Variants in LARGE1 observed in about 807,000 individuals in gnomAD.
The protein encoded by LARGE1 is LARGE xylosyl- and glucuronyltransferase 1.
Under a neutral mutation model 87.6 loss-of-function variants are expected in LARGE1, and 43 were observed. The observed-to-expected ratio is 0.49, with a 90% CI of 0.38 to 0.63. LARGE1 has a LOEUF of 0.63. LARGE1 is among the 30% of genes least tolerant of loss of function. LARGE1 has a pLI of 0.00. For missense variants in LARGE1, 802 were observed against 1,000.2 expected (o/e 0.80, Z 2.67); for synonymous variants, 434 against 394.6 (o/e 1.10, Z -1.18).
intron 11 of LARGE1, among the ~76,000 whole-genome samples, chr22:33,242,884 G>T (rs1437271198): frequency 2.6e-5 from 4 of 152,118 alleles, no homozygotes; most frequent in African/African-American, 9.7e-5. Context: ...TGGTTTGCTG[G>T]CAATCTTTGA....
At chr22:33,283,151 A>G (rs1298005720) in intron 13 of LARGE1, 51 bp downstream of exon 13, 2 of 1,611,346 alleles carry the variant, frequency 1.2e-6, no homozygotes, top group Non-Finnish European at 1.7e-6. Flanking sequence ...GTTTCCCAGG[A>G]GAAAGAAGGC....
rs111575613 is a variant in LARGE1 at position 33,664,070 on chromosome 22, A to G, written c.107-13402T>C. 3.2e-3 allele frequency among the ~76,000 whole-genome samples: 489 copies of G among 152,190 alleles called. 2 individuals are homozygous for G. The highest frequency in any genetic ancestry group is 0.011 in the African/African-American group (469 of 41,512). ...CTCACCCCATGTGTAACAGCTCTTT[A>G]TGCCACCTCCATTGTCTCAACACGT... On this transcript the variant is annotated intron_variant, in intron 2 of 14. Coordinates refer to ENST00000397394, the MANE Select transcript of LARGE1 (RefSeq NM_133642.5).
chr22:33,261,610 G>GAA (rs537597848), intron 11 of LARGE1, among the ~76,000 whole-genome samples: 32 of 145,006 alleles, frequency 2.2e-4, no homozygotes, highest in African/African-American at 5.2e-4. Flanking sequence ...AATCAAAAAA[G>GAA]AAAAAAAAAA....
chr22:33,473,589 G>A (rs550346599), intron 6 of LARGE1, among the ~76,000 whole-genome samples: 47 of 152,116 alleles, frequency 3.1e-4, no homozygotes, highest in Non-Finnish European at 5.6e-4. Context: ...TCCTGACCTC[G>A]TGATCCACCA....
chr22:33,091,523 G>A, the LARGE1 span, among the ~76,000 whole-genome samples: 1 of 151,818 alleles, frequency 6.6e-6, no homozygotes, highest in African/African-American at 2.4e-5. Flanking sequence ...TCGCGCCACT[G>A]CTCTCCAGCC....
chr22:33,330,391 T>A (rs192272993), intron 10 of LARGE1, among the ~76,000 whole-genome samples: 10 of 152,292 alleles, frequency 6.6e-5, no homozygotes, highest in South Asian at 4.1e-4. Context: ...GGATCGATCA[T>A]AGCTCACTTC....
chr22:33,725,475 A>G (rs2083242282), intron 2 of LARGE1: 1 of 151,776 alleles, frequency 6.6e-6, no homozygotes, highest in Admixed American at 6.6e-5. Flanking sequence ...CAACAAGGTC[A>G]TTTACCTGTC....
chr22:33,071,681 TG>T, the LARGE1 span, among the ~76,000 whole-genome samples: 1 of 152,238 alleles, frequency 6.6e-6, no homozygotes, highest in Non-Finnish European at 1.5e-5. Context: ...TACATGTTTA[TG>T]GACTGGTGGA....
chr22:33,634,867 G>A (rs1277864760), intron 3 of LARGE1, among the ~76,000 whole-genome samples: 12 of 151,758 alleles, frequency 7.9e-5, no homozygotes, highest in Admixed American at 6.6e-5. Context: ...TGGTGCTCAC[G>A]CCTGTAATCC....
At chr22:33,394,678 C>T (rs1257088695) in intron 7 of LARGE1, among the ~76,000 whole-genome samples, 1 of 150,550 alleles carries the variant, frequency 6.6e-6, no homozygotes, top group Admixed American at 6.6e-5. Context: ...TCAACCATAC[C>T]ATGTGGTCTC....
At chr22:33,191,711 G>A (rs1923789354) in intron 11 of LARGE1, among the ~76,000 whole-genome samples, 1 of 152,186 alleles carries the variant, frequency 6.6e-6, no homozygotes. Context: ...AATCTACAGG[G>A]TTTCTAGAAG....
At chr22:33,873,835 TCA>T (rs2064380109) in intron 1 of LARGE1, among the ~76,000 whole-genome samples, 1 of 151,888 alleles carries the variant, frequency 6.6e-6, no homozygotes, top group South Asian at 2.1e-4. Flanking sequence ...TCACTCCATG[TCA>T]CAAGAAGCCA....
chr22:33,513,812 T>TACACACACACACACACACAC (rs56262022), intron 6 of LARGE1, among the ~76,000 whole-genome samples: 46 of 143,282 alleles, frequency 3.2e-4, no homozygotes, highest in Admixed American at 8.4e-4. Flanking sequence ...AGAGCTGATG[T>TACACACACACACACACACAC]ACACACACAC....
the LARGE1 span, among the ~76,000 whole-genome samples, chr22:33,071,625 A>G: frequency 6.6e-6 from 1 of 152,198 alleles, no homozygotes; most frequent in African/African-American, 2.4e-5. Flanking sequence ...CCCTGTTCTC[A>G]CACAGTTAAC....
At chr22:33,568,766 C>CAA (rs57651807) in intron 5 of LARGE1, among the ~76,000 whole-genome samples, 42 of 92,768 alleles carry the variant, frequency 4.5e-4, no homozygotes, top group Admixed American at 1.1e-3. Context: ...AACTCAGTCT[C>CAA]AAAAAAAAAA....
intron 7 of LARGE1, among the ~76,000 whole-genome samples, chr22:33,407,623 G>C (rs2066148568): frequency 6.6e-6 from 1 of 152,050 alleles, no homozygotes; most frequent in African/African-American, 2.4e-5. Context: ...TTCAATCTCA[G>C]CCTATTAAGA....
At chr22:33,068,165 T>C in the LARGE1 span, among the ~76,000 whole-genome samples, 1 of 152,250 alleles carries the variant, frequency 6.6e-6, no homozygotes, top group East Asian at 1.9e-4. Flanking sequence ...TTATTATTAA[T>C]ACTAAAGCAC....
intron 6 of LARGE1, among the ~76,000 whole-genome samples, chr22:33,468,061 C>A (rs1219453982): frequency 6.6e-6 from 1 of 152,192 alleles, no homozygotes; most frequent in Non-Finnish European, 1.5e-5. Context: ...CATCTGGAAG[C>A]AACCTGTCAT....
exon 12 of LARGE1, chr22:33,165,972 T>G (rs1173131360): frequency 6.6e-6 from 1 of 152,180 alleles, no homozygotes; most frequent in Non-Finnish European, 1.5e-5. Context: ...AGATTATTAT[T>G]CAGTGTGGTA....
Sources: gnomAD v4.1 joint callset for allele counts (sites outside exome capture counted in the v4.1 genomes callset) on GRCh38, gnomAD v4.1.1 for gene constraint, MANE v1.5 for transcripts, NCBI Gene and HGNC (gene_info 2026-07-23, HGNC 2026-07-21) for gene names.